The following KCNQ1 variants were observed in gnomAD, a reference collection of about 807,000 sequenced individuals.
The protein encoded by KCNQ1 is potassium voltage-gated channel subfamily Q member 1.
KCNQ1 carries 49 observed loss-of-function variants against 72.4 expected under a neutral mutation model. The observed-to-expected ratio is 0.68, with a 90% confidence interval of 0.54 to 0.86. The LOEUF (loss-of-function observed/expected upper bound fraction) is 0.86, where lower values mean the gene tolerates loss of function less well. KCNQ1 is among the 40% of genes least tolerant of loss of function. The pLI, the probability that KCNQ1 is intolerant of heterozygous loss-of-function variation, is 0.00. For missense variants in KCNQ1, 790 were observed against 945.1 expected (o/e 0.84, Z 2.15); for synonymous variants, 450 against 412.6 (o/e 1.09, Z -1.10).
chr11:2,537,773 T>C lies in KCNQ1; in HGVS notation c.477+9755T>C, dbSNP rs368324734. 6.6e-6 allele frequency among the ~76,000 whole-genome samples: 1 copy of C among 152,014 alleles called. No individual in the cohort carries two copies. Among genetic ancestry groups the C allele is most frequent in the East Asian group, 1.9e-4 (1 of 5,186 alleles). ...TTGCTGTGTTGCCCAGGTTGGAGAGTAGTGGCATACTCACGGCTCACTGCA... is the reference window on the plus strand; with the variant it reads ...TTGCTGTGTTGCCCAGGTTGGAGAGCAGTGGCATACTCACGGCTCACTGCA... On this transcript the variant is annotated intron_variant, in intron 2 of 15. Coordinates refer to ENST00000155840, the MANE Select transcript of KCNQ1 (RefSeq NM_000218.3). This position sits in a 1 kb window ranked among gnomAD's most constrained non-coding sequence, Gnocchi z 5.2.
At chr11:2,844,269 A>AG (rs1248333503) in intron 15 of KCNQ1, among the ~76,000 whole-genome samples, 2 of 152,160 alleles carry the variant, frequency 1.3e-5, no homozygotes, top group Non-Finnish European at 2.9e-5. Context: ...CCTTCCCACA[A>AG]GGGGGGCAGC....
intron 15 of KCNQ1, among the ~76,000 whole-genome samples, chr11:2,844,133 G>A (rs538016855): frequency 6.6e-6 from 1 of 152,244 alleles, no homozygotes; most frequent in Non-Finnish European, 1.5e-5. Context: ...GTGCCAGCGA[G>A]ATGAAGGCGC....
At chr11:2,546,655 T>TA (rs367590471) in intron 2 of KCNQ1, among the ~76,000 whole-genome samples, 5 of 152,230 alleles carry the variant, frequency 3.3e-5, no homozygotes, top group Admixed American at 3.3e-4. Context: ...TTTTGTCATT[T>TA]AAAAAATTAT....
chr11:2,665,471 G>C, intron 11 of KCNQ1: 1 of 396,604 alleles, frequency 2.5e-6, no homozygotes. Context: ...AGTGGGTGGG[G>C]ACGGTGCCAT....
rs1249869910 is a variant in KCNQ1, at chr11:2,710,887, G to A, written c.1514+48806G>A. ...TCGTCTTGATTGTTATAGCTTTGTAGTGAGTTTTAAAATTGGAAAGTGGGT... is the reference window on the plus strand; with the variant it reads ...TCGTCTTGATTGTTATAGCTTTGTAATGAGTTTTAAAATTGGAAAGTGGGT... On this transcript the variant is annotated intron_variant, in intron 11 of 15. Transcript: ENST00000155840. This position sits in a 1 kb window ranked among gnomAD's most constrained non-coding sequence, Gnocchi z 4.1. Among the ~76,000 whole-genome samples, 1 of 152,210 alleles carries A rather than the reference G, an allele frequency of 6.6e-6. No homozygotes were observed. The highest frequency in any genetic ancestry group is 1.5e-5 in the Non-Finnish European group (1 of 68,040).
In KCNQ1 at chr11:2,592,645, C is replaced by T. The variant is rs1224715783; in HGVS notation, c.1393+3791C>T. Among the ~76,000 whole-genome samples, 1 of 152,232 alleles carries T rather than the reference C, an allele frequency of 6.6e-6. No individual in the cohort carries two copies. The highest frequency in any genetic ancestry group is 1.5e-5 in the Non-Finnish European group (1 of 68,038). ...GGATGCATGGGGACCCAACCGCATG[C>T]CACTTGGCTTGGCAGTGTCAAAGGG... On this transcript the variant is annotated intron_variant, in intron 10 of 15. Coordinates refer to ENST00000155840, the MANE Select transcript of KCNQ1 (RefSeq NM_000218.3). This position sits in a 1 kb window ranked among gnomAD's most constrained non-coding sequence, Gnocchi z 5.2.
chr11:2,671,033 G>C lies in KCNQ1; in HGVS notation c.1514+8952G>C. 1 of 398,692 alleles carries C rather than the reference G, an allele frequency of 2.5e-6. No individual in the cohort carries two copies. Among genetic ancestry groups the C allele is most frequent in the Non-Finnish European group, 4.4e-6 (1 of 226,102 alleles). 24.7% of individuals were successfully genotyped at this position (398,692 alleles called of 1,614,324 possible). On this transcript the variant is annotated intron_variant, in intron 11 of 15. Transcript: ENST00000155840. The surrounding 1 kb of genome is among the most constrained non-coding windows in gnomAD (Gnocchi z 4.7). Reference sequence around the variant, plus strand: ...GTTAGGGACAACGTAGGTGTCCTGGGCAGGGGCTGTATCTGAGGCACACAT... The same window carrying C: ...GTTAGGGACAACGTAGGTGTCCTGGCCAGGGGCTGTATCTGAGGCACACAT...
rs138442776 is a variant in KCNQ1 at position 2,699,690 on chromosome 11, G to A, written c.1514+37609G>A. 1,169 of 351,838 alleles carry A rather than the reference G, an allele frequency of 3.3e-3. 1 individual carries two copies. The highest frequency in any genetic ancestry group is 5.0e-3 in the Non-Finnish European group (988 of 198,092). The allele number at this position is 351,838 out of a possible 1,614,324, so 21.8% of individuals were successfully genotyped here. ...GGGAGAACCGCGCCGAAAAGCCCCG[G>A]GTGCCCCGAGGAGAACGGCGCCGAG... On this transcript the variant is annotated intron_variant, in intron 11 of 15. Transcript: ENST00000155840.
chr11:2,503,670 C>T (rs1159791231), intron 1 of KCNQ1, among the ~76,000 whole-genome samples: 1 of 151,570 alleles, frequency 6.6e-6, no homozygotes, highest in Non-Finnish European at 1.5e-5. Flanking sequence ...TGCACATGTA[C>T]CCTAAAACTT....
At position 2,477,663 on chromosome 11, in the gene KCNQ1, C is replaced by G. The variant is rs1177405468; in HGVS notation, c.386+32179C>G. ...CCTGTAATCCCACCACTTTGGGAGGCTAAGGTGGGAGGATTGCCTGAGCTC... is the reference window on the plus strand; with the variant it reads ...CCTGTAATCCCACCACTTTGGGAGGGTAAGGTGGGAGGATTGCCTGAGCTC... On this transcript the variant is annotated intron_variant, in intron 1 of 15. Transcript: ENST00000155840. This position sits in a 1 kb window ranked among gnomAD's most constrained non-coding sequence, Gnocchi z 5.0. 2.0e-5 allele frequency among the ~76,000 whole-genome samples: 3 copies of G among 151,134 alleles called. No individual in the cohort carries two copies. Among genetic ancestry groups the G allele is most frequent in the Admixed American group, 6.6e-5 (1 of 15,176 alleles).
At chr11:2,452,870 G>T (rs1846135597) in intron 1 of KCNQ1, among the ~76,000 whole-genome samples, 2 of 152,184 alleles carry the variant, frequency 1.3e-5, no homozygotes, top group Non-Finnish European at 2.9e-5. Context: ...CTTCATGCGT[G>T]CTGCGGGGTG....
At chr11:2,616,685 T>A (rs1760690431) in intron 10 of KCNQ1, 1 of 398,192 alleles carries the variant, frequency 2.5e-6, no homozygotes, top group African/African-American at 2.1e-5. Context: ...TCCCTGAATT[T>A]GTTAATTTTT....
rs1420200397 is a variant in KCNQ1 at position 2,647,235 on chromosome 11, G to C, written c.1394-14726G>C. 2.5e-5 allele frequency: 10 copies of C among 398,278 alleles called. No individual in the cohort carries two copies. Among genetic ancestry groups the C allele is most frequent in the Non-Finnish European group, 4.4e-5 (10 of 226,024 alleles). The allele number at this position is 398,278 out of a possible 1,614,324, so 24.7% of individuals were successfully genotyped here. On this transcript the variant is annotated intron_variant, in intron 10 of 15. Transcript: ENST00000155840. The surrounding 1 kb of genome is among the most constrained non-coding windows in gnomAD (Gnocchi z 4.0). ...TTTCTGCATCTATTGAGATGATCAT[G>C]TATTTTTTTGTCCTTCCTTCTGTTA...
chr11:2,834,193 G>A (rs770230223), intron 15 of KCNQ1, among the ~76,000 whole-genome samples: 1 of 151,666 alleles, frequency 6.6e-6, no homozygotes, highest in South Asian at 2.1e-4. Flanking sequence ...ACATGGCATG[G>A]CTGGGGCTGG....
intron 1 of KCNQ1, among the ~76,000 whole-genome samples, chr11:2,459,821 C>T (rs1389063140): frequency 2.0e-5 from 3 of 152,294 alleles, no homozygotes; most frequent in South Asian, 2.1e-4. Flanking sequence ...AAAACCCACT[C>T]TCCTTCCCAT....
In KCNQ1 at chr11:2,462,124, C is replaced by G; in HGVS notation, c.386+16640C>G. On this transcript the variant is annotated intron_variant, in intron 1 of 15. Transcript: ENST00000155840. The surrounding 1 kb of genome is among the most constrained non-coding windows in gnomAD (Gnocchi z 8.2). ...AGAATCCTTCCCTGGGCTGAGGGGG[C>G]GTTGCTGTGGGTGTATCTCATGGAG... The G allele has an allele frequency of 3.8e-6, 1 of 261,350 alleles. No homozygotes were observed. The highest frequency in any genetic ancestry group is 4.3e-5 in the South Asian group (1 of 23,474). The allele number at this position is 261,350 out of a possible 1,614,324, so 16.2% of individuals were successfully genotyped here.
In KCNQ1 at chr11:2,457,130, TA is replaced by T. The variant is rs937565310; in HGVS notation, c.386+11651del. Among the ~76,000 whole-genome samples the T allele has an allele frequency of 2.0e-5, 3 of 152,144 alleles. No homozygotes were observed. Among genetic ancestry groups the T allele is most frequent in the Admixed American group, 6.5e-5 (1 of 15,278 alleles). On this transcript the variant is annotated intron_variant, in intron 1 of 15. Coordinates refer to ENST00000155840, the MANE Select transcript of KCNQ1 (RefSeq NM_000218.3). This position sits in a 1 kb window ranked among gnomAD's most constrained non-coding sequence, Gnocchi z 5.0. ...CACGCCAGTCAGAATGGCCTTTGTT[TA>T]AAAAGTCTCAAAACAACAGATGCTG...
Position 2,544,833 on chromosome 11 carries a change from C to T in KCNQ1, c.477+16815C>T, listed in dbSNP as rs1006581554. Among the ~76,000 whole-genome samples the T allele has an allele frequency of 1.3e-5, 2 of 152,154 alleles. No homozygotes were observed. Among genetic ancestry groups the T allele is most frequent in the Non-Finnish European group, 2.9e-5 (2 of 68,038 alleles). On this transcript the variant is annotated intron_variant, in intron 2 of 15. Transcript: ENST00000155840. This position sits in a 1 kb window ranked among gnomAD's most constrained non-coding sequence, Gnocchi z 4.4. ...TCTGGCCTGATTGCACTGGGCGGCT[C>T]ATCCACTGCAGTGTCCAATACAAGT...
chr11:2,803,230 G>C lies in KCNQ1; in HGVS notation c.1794+25193G>C, dbSNP rs1847308152. On this transcript the variant is annotated intron_variant, in intron 15 of 15. Transcript: ENST00000155840. This position sits in a 1 kb window ranked among gnomAD's most constrained non-coding sequence, Gnocchi z 6.4. ...TGCCATGGCTTTGCCAGAAGACCCT[G>C]GGACTGTCTGGAGCATCCTCCCAAG... is the stretch of plus-strand genomic sequence containing the variant. Among the ~76,000 whole-genome samples, 1 of 152,168 alleles carries C rather than the reference G, an allele frequency of 6.6e-6. No homozygotes were observed. Among genetic ancestry groups the C allele is most frequent in the Admixed American group, 6.5e-5 (1 of 15,286 alleles).
Sources: allele counts gnomAD v4.1 joint callset (sites outside exome capture counted in the v4.1 genomes callset), GRCh38; gene constraint gnomAD v4.1.1; non-coding constraint Gnocchi (gnomAD v3.1); transcripts MANE v1.5; gene names NCBI Gene and HGNC (gene_info 2026-07-23, HGNC 2026-07-21).